The following RAB5A variants were observed in gnomAD, a reference collection of about 807,000 sequenced individuals.
RAB5A encodes RAB5A, member RAS oncogene family, also known as ras-related protein Rab-5A.
RAB5A carries 8 observed loss-of-function variants against 25.7 expected under a neutral mutation model. That is an observed-to-expected ratio of 0.31 (90% CI 0.18 to 0.56). RAB5A has a LOEUF of 0.56. Ranked by LOEUF, RAB5A falls within the 20% of genes least tolerant of loss-of-function variation. RAB5A has a pLI of 0.91. For synonymous variants in RAB5A, 98 were observed against 89.8 expected (o/e 1.09, Z -0.52); for missense variants, 192 against 259.7 (o/e 0.74, Z 1.79).
intron 2 of RAB5A, among the ~76,000 whole-genome samples, chr3:19,969,904 A>C (rs1696720169): frequency 6.6e-6 from 1 of 152,138 alleles, no homozygotes; most frequent in Admixed American, 6.5e-5. Context: ...CCCGGGTTCA[A>C]GTGATTCTTC....
chr3:19,960,334 G>T (rs1466613003), intron 2 of RAB5A, among the ~76,000 whole-genome samples: 1 of 151,970 alleles, frequency 6.6e-6, no homozygotes, highest in Admixed American at 6.5e-5. Context: ...ATGGGGTCTC[G>T]CTCTGTGCTA....
chr3:19,984,257 T>C lies in RAB5A; in HGVS notation c.*434T>C, dbSNP rs1308017857. The stretch of plus-strand genomic sequence containing the variant: ...AGATTCTAAAGTTATTTATGATGCT[T>C]AGCCATAGTATTCAGGCAAATGTTC... On this transcript the variant is annotated 3_prime_UTR_variant, in exon 6 of 6. Transcript: ENST00000273047. 1 of 431,148 alleles carries C rather than the reference T, an allele frequency of 2.3e-6. No homozygotes were observed. The highest frequency in any genetic ancestry group is 4.5e-6 in the Non-Finnish European group (1 of 220,826). The allele number at this position is 431,148 out of a possible 1,614,324, so 26.7% of individuals were successfully genotyped here.
intron 5 of RAB5A, chr3:19,978,923 T>TGAGGTAATCCA (rs1696870189): frequency 6.6e-6 from 1 of 152,068 alleles, no homozygotes; most frequent in East Asian, 1.9e-4. Flanking sequence ...CATCCATACT[T>TGAGGTAATCCA]TATATTACCT....
chr3:19,953,426 T>TTG (rs1696453256), intron 2 of RAB5A, among the ~76,000 whole-genome samples: 1 of 151,676 alleles, frequency 6.6e-6, no homozygotes, highest in Non-Finnish European at 1.5e-5. Context: ...TTTTTTTTTT[T>TTG]TTGGAGACAA....
At position 19,983,361 on chromosome 3, in the gene RAB5A, A is replaced by G. The variant is rs1048269048; in HGVS notation, c.533-347A>G. On this transcript the variant is annotated intron_variant, in intron 5 of 5. Coordinates refer to ENST00000273047, the MANE Select transcript of RAB5A (RefSeq NM_004162.5). ...ACTACATCTCAAAAAAAAAAAAAAA[A>G]AAGAAGTAATAATGAGTATAAAATA... Among the ~76,000 whole-genome samples, 9 of 151,636 alleles carry G rather than the reference A, an allele frequency of 5.9e-5. 1 individual carries two copies. Among genetic ancestry groups the G allele is most frequent in the Admixed American group, 4.6e-4 (7 of 15,196 alleles).
chr3:19,950,940 G>T lies in RAB5A; in HGVS notation c.42G>T (p.Thr14=), dbSNP rs6773437. ...RGATRPNGPN[T]GNKICQFKLV... ...CAACAAGACCCAACGGGCCAAATAC[G>T]GGAAATAAAATATGCCAGTTCAAAC... The change falls in exon 2 of 6, where the codon ACG becomes ACT. Residue 14 remains threonine, a synonymous_variant. Coordinates refer to ENST00000273047, the MANE Select transcript of RAB5A (RefSeq NM_004162.5). 1,193,296 of 1,613,246 alleles carry T rather than the reference G, an allele frequency of 0.74. 448,759 individuals carry two copies. Among genetic ancestry groups the T allele is most frequent in the Non-Finnish European group, 0.77 (913,472 of 1,179,628 alleles).
chr3:19,980,000 C>CA (rs1364202824), intron 5 of RAB5A: 2 of 152,214 alleles, frequency 1.3e-5, no homozygotes, highest in Non-Finnish European at 1.5e-5. Flanking sequence ...CACTAGGTGA[C>CA]AGAGTTTAAT....
At chr3:19,979,942 G>A (rs1374178247) in intron 5 of RAB5A, 1 of 152,146 alleles carries the variant, frequency 6.6e-6, no homozygotes, top group African/African-American at 2.4e-5. Context: ...AGCTGAATCA[G>A]AGAATAATGA....
intron 4 of RAB5A, among the ~76,000 whole-genome samples, chr3:19,977,113 C>T (rs1340871971): frequency 2.0e-5 from 3 of 151,462 alleles, no homozygotes; most frequent in Non-Finnish European, 2.9e-5. Context: ...GCTCAGTTGC[C>T]CAGGCTGGAG....
In RAB5A at chr3:19,971,312, T is replaced by C. The variant is rs112496775; in HGVS notation, c.164-4289T>C. The stretch of plus-strand genomic sequence containing the variant: ...AAGAGTTTATTATAGTGGGCTACAC[T>C]ATTCCAGTAATATTTCTGTTCATTT... On this transcript the variant is annotated intron_variant, in intron 2 of 5. Transcript: ENST00000273047. 1.8e-3 allele frequency among the ~76,000 whole-genome samples: 269 copies of C among 152,254 alleles called. 1 individual carries two copies. Among genetic ancestry groups the C allele is most frequent in the Non-Finnish European group, 3.0e-3 (205 of 68,030 alleles).
chr3:19,962,811 T>C (rs577017257), intron 2 of RAB5A, among the ~76,000 whole-genome samples: 1 of 141,920 alleles, frequency 7.0e-6, no homozygotes, highest in South Asian at 2.4e-4. Context: ...GTTTGGTTTC[T>C]CTTTTCTTTT....
chr3:19,964,573 G>A (rs745465995), intron 2 of RAB5A, among the ~76,000 whole-genome samples: 3 of 152,220 alleles, frequency 2.0e-5, no homozygotes, highest in African/African-American at 7.2e-5. Flanking sequence ...ATTCTAGGGA[G>A]ATCAGGTTTG....
chr3:19,957,722 C>A (rs145628926), intron 2 of RAB5A, among the ~76,000 whole-genome samples: 208 of 105,894 alleles, frequency 2.0e-3, no homozygotes, highest in African/African-American at 7.4e-3. Context: ...CAGAGTGAGA[C>A]TCTGTCTCAA....
chr3:19,951,153 A>G (rs1696417126), intron 2 of RAB5A, 92 bp downstream of exon 2: 1 of 1,437,998 alleles, frequency 7.0e-7, no homozygotes, highest in Non-Finnish European at 9.5e-7. Flanking sequence ...ATGAATAGCT[A>G]AATAAGTCAT....
At position 19,971,057 on chromosome 3, in the gene RAB5A, C is replaced by T. The variant is rs144318115; in HGVS notation, c.164-4544C>T. On this transcript the variant is annotated intron_variant, in intron 2 of 5. Transcript: ENST00000273047. ...ACTAAAAATACAAAAATTAGCCAGA[C>T]GTGGTGGTGGCCACCTGTAATCCCA... Among the ~76,000 whole-genome samples the T allele has an allele frequency of 2.5e-3, 387 of 151,972 alleles. 1 individual carries two copies. Among genetic ancestry groups the T allele is most frequent in the African/African-American group, 8.1e-3 (334 of 41,460 alleles).
At chr3:19,982,407 C>T (rs571381306) in intron 5 of RAB5A, among the ~76,000 whole-genome samples, 1 of 152,276 alleles carries the variant, frequency 6.6e-6, no homozygotes, top group East Asian at 1.9e-4. Flanking sequence ...AGTTTTGACA[C>T]ATGCAGGCAT....
At chr3:19,957,915 T>C (rs933613589) in intron 2 of RAB5A, among the ~76,000 whole-genome samples, 1 of 152,164 alleles carries the variant, frequency 6.6e-6, no homozygotes, top group Admixed American at 6.5e-5. Flanking sequence ...AGTTACTTCC[T>C]AAACAGAAAA....
intron 5 of RAB5A, among the ~76,000 whole-genome samples, chr3:19,983,056 G>A (rs1385289241): frequency 6.6e-6 from 1 of 152,126 alleles, no homozygotes; most frequent in African/African-American, 2.4e-5. Flanking sequence ...TAATAATGAG[G>A]CCAGGTGCCA....
Position 19,981,480 on chromosome 3 carries a change from G to A in RAB5A, c.533-2228G>A, listed in dbSNP as rs561405955. 9.2e-5 allele frequency among the ~76,000 whole-genome samples: 14 copies of A among 152,144 alleles called. 1 individual carries two copies. In the East Asian group the frequency reaches 2.7e-3, roughly 29 times the overall value. On this transcript the variant is annotated intron_variant, in intron 5 of 5. Transcript: ENST00000273047. ...AATAGAAAAATTAGCTGGGTGTGGT[G>A]GTATGTGCCTGTAGTCCCAGCTACT...
Sources: allele counts gnomAD v4.1 joint callset (sites outside exome capture counted in the v4.1 genomes callset), GRCh38; gene constraint gnomAD v4.1.1; transcripts MANE v1.5; gene names NCBI Gene and HGNC (gene_info 2026-07-23, HGNC 2026-07-21).